Variants in NR5A2 observed in about 807,000 individuals in gnomAD.
NR5A2 encodes nuclear receptor subfamily 5 group A member 2.
Under a neutral mutation model 62.7 loss-of-function variants are expected in NR5A2, and 26 were observed. That is an observed-to-expected ratio of 0.41 (90% CI 0.30 to 0.58). The LOEUF is 0.58. NR5A2 is among the 20% of genes least tolerant of loss of function. The pLI is 0.22. For synonymous variants in NR5A2, 246 were observed against 241.7 expected (o/e 1.02, Z -0.16); for missense variants, 541 against 669.1 (o/e 0.81, Z 2.11).
rs145313610 is a variant in NR5A2, at chr1:200,090,457, A to T, written c.1111-20745A>T. 3.2e-3 allele frequency among the ~76,000 whole-genome samples: 491 copies of T among 152,142 alleles called. 1 individual carries two copies. Among genetic ancestry groups the T allele is most frequent in the Non-Finnish European group, 5.4e-3 (367 of 67,986 alleles). On this transcript the variant is annotated intron_variant, in intron 5 of 7. Transcript: ENST00000367362. ...TCATTACATCCTGTAGCCTCTGCAC[A>T]CTCCTGACAAGTGGAGGGTGAAAAG...
At chr1:200,098,552 T>TATCTCACACAGGCTGTG in intron 5 of NR5A2, among the ~76,000 whole-genome samples, 1 of 152,144 alleles carries the variant, frequency 6.6e-6, no homozygotes, top group South Asian at 2.1e-4. Flanking sequence ...GGGCTTGGAT[T>TATCTCACACAGGCTGTG]CAGAACACCT....
chr1:200,039,574 G>A lies in NR5A2; in HGVS notation c.65-84G>A, dbSNP rs569329395. On this transcript the variant is annotated intron_variant, in intron 1 of 7. Transcript: ENST00000367362. This position sits in a 1 kb window ranked among gnomAD's most constrained non-coding sequence, Gnocchi z 5.1. ...CGAGGAGGCGGAGGCACGCTCCGGC[G>A]AGGCGAGAGGGTTGGGTTAGCAGGC... 471 of 1,578,438 alleles carry A rather than the reference G, an allele frequency of 3.0e-4. 2 individuals are homozygous for A. Among genetic ancestry groups the A allele is most frequent in the Admixed American group, 2.6e-4 (15 of 57,732 alleles).
At chr1:200,115,997 A>G (rs1666200116) in intron 6 of NR5A2, among the ~76,000 whole-genome samples, 2 of 152,004 alleles carry the variant, frequency 1.3e-5, no homozygotes, top group Admixed American at 6.6e-5. Flanking sequence ...TTCACTCATT[A>G]TAGATTTCCA....
intron 7 of NR5A2, among the ~76,000 whole-genome samples, chr1:200,135,337 A>C (rs967696884): frequency 2.0e-5 from 3 of 152,026 alleles, no homozygotes; most frequent in African/African-American, 7.2e-5. Flanking sequence ...CCTAGCCAAC[A>C]TGGTGAAACC....
intron 7 of NR5A2, among the ~76,000 whole-genome samples, chr1:200,130,300 G>GAAGAAA (rs1666912232): frequency 1.4e-5 from 1 of 73,762 alleles, no homozygotes; most frequent in Non-Finnish European, 3.3e-5. Flanking sequence ...AGAAGAAGAA[G>GAAGAAA]AAGAAGAAGA....
intron 5 of NR5A2, among the ~76,000 whole-genome samples, chr1:200,102,399 T>C (rs1316348856): frequency 1.3e-5 from 2 of 152,178 alleles, no homozygotes; most frequent in African/African-American, 4.8e-5. Context: ...CTTCCTGTAC[T>C]GAGTGACTCT....
At chr1:200,040,491 G>T (rs1198188132) in intron 2 of NR5A2, among the ~76,000 whole-genome samples, 1 of 152,180 alleles carries the variant, frequency 6.6e-6, no homozygotes, top group African/African-American at 2.4e-5. Flanking sequence ...CGTTTTCCCA[G>T]CTCTTGATTG....
intron 5 of NR5A2, among the ~76,000 whole-genome samples, chr1:200,105,652 TCTTA>T (rs1665614190): frequency 6.6e-6 from 1 of 152,208 alleles, no homozygotes; most frequent in Non-Finnish European, 1.5e-5. Flanking sequence ...AAAATCTCTT[TCTTA>T]AAGTTTAATC....
At chr1:200,143,126 G>A (rs187482653) in intron 7 of NR5A2, among the ~76,000 whole-genome samples, 16 of 152,132 alleles carry the variant, frequency 1.1e-4, no homozygotes, top group Admixed American at 7.9e-4. Context: ...TCTTGTTTCC[G>A]TCTCTTTCTC....
rs978914177 is a variant in NR5A2 at position 200,083,942 on chromosome 1, G to A, written c.1111-27260G>A. 2.7e-5 allele frequency among the ~76,000 whole-genome samples: 4 copies of A among 148,800 alleles called. No individual in the cohort carries two copies. In the Admixed American group the frequency reaches 2.7e-4, roughly 10 times the overall value. Reference sequence around the variant, plus strand: ...ATTACACCATTGCATTCCAGCCTGGGCAACAAGAGCGAAACTCCATCTCAA... The same window carrying A: ...ATTACACCATTGCATTCCAGCCTGGACAACAAGAGCGAAACTCCATCTCAA... On this transcript the variant is annotated intron_variant, in intron 5 of 7. Coordinates refer to ENST00000367362, the MANE Select transcript of NR5A2 (RefSeq NM_205860.3).
chr1:200,065,430 A>G (rs962841732), intron 5 of NR5A2, among the ~76,000 whole-genome samples: 4 of 152,332 alleles, frequency 2.6e-5, no homozygotes, highest in African/African-American at 9.6e-5. Context: ...GGCGTGAGCC[A>G]CCATGCCCAG....
intron 7 of NR5A2, among the ~76,000 whole-genome samples, chr1:200,155,993 G>C (rs1467893175): frequency 4.6e-5 from 7 of 152,150 alleles, no homozygotes; most frequent in Non-Finnish European, 8.8e-5. Context: ...ATTTTCAACA[G>C]TTACTTAAAT....
At chr1:200,155,894 G>A (rs574779046) in intron 7 of NR5A2, among the ~76,000 whole-genome samples, 27 of 152,100 alleles carry the variant, frequency 1.8e-4, no homozygotes, top group Admixed American at 2.6e-4. Flanking sequence ...GGCTGGTCTC[G>A]AACTCCTGAC....
At chr1:200,064,539 A>G (rs1438579563) in intron 5 of NR5A2, among the ~76,000 whole-genome samples, 1 of 152,192 alleles carries the variant, frequency 6.6e-6, no homozygotes, top group East Asian at 1.9e-4. Context: ...GGCAAGGGGT[A>G]AAGCTGGACA....
intron 6 of NR5A2, among the ~76,000 whole-genome samples, chr1:200,112,661 T>C (rs1666010839): frequency 6.6e-6 from 1 of 152,226 alleles, no homozygotes. Context: ...CCTTGCTATC[T>C]GCACCTCTCA....
chr1:200,166,063 C>A (rs1423814252), intron 7 of NR5A2, among the ~76,000 whole-genome samples: 5 of 152,124 alleles, frequency 3.3e-5, no homozygotes, highest in African/African-American at 1.2e-4. Context: ...GACTCATAAG[C>A]GTTTCCTTTT....
In NR5A2 at chr1:200,077,312, T is replaced by C. The variant is rs930574980; in HGVS notation, c.1110+28494T>C. ...TTGGTATCACATGTAGAGGAAGAGG[T>C]CCTTAATTAAGAAGCAAATTCCGGA... On this transcript the variant is annotated intron_variant, in intron 5 of 7. Coordinates refer to ENST00000367362, the MANE Select transcript of NR5A2 (RefSeq NM_205860.3). Among the ~76,000 whole-genome samples the C allele has an allele frequency of 4.1e-4, 62 of 152,176 alleles. 1 individual carries two copies. The highest frequency in any genetic ancestry group is 8.5e-4 in the Non-Finnish European group (58 of 68,034).
At chr1:200,042,307 G>C (rs1344604163) in intron 2 of NR5A2, among the ~76,000 whole-genome samples, 1 of 152,122 alleles carries the variant, frequency 6.6e-6, no homozygotes, top group Non-Finnish European at 1.5e-5. Flanking sequence ...GGGTCTGCGC[G>C]CAGTCCTTAG....
At chr1:200,082,968 G>A (rs1664362399) in intron 5 of NR5A2, among the ~76,000 whole-genome samples, 2 of 152,018 alleles carry the variant, frequency 1.3e-5, no homozygotes, top group South Asian at 4.2e-4. Context: ...ATGTCTCTGA[G>A]TTTTTCAGTC....
Sources: gnomAD v4.1 joint callset for allele counts (sites outside exome capture counted in the v4.1 genomes callset) on GRCh38, gnomAD v4.1.1 for gene constraint, Gnocchi (gnomAD v3.1) non-coding constraint, MANE v1.5 for transcripts, NCBI Gene and HGNC (gene_info 2026-07-23, HGNC 2026-07-21) for gene names.